The following PAFAH2 variants were observed in gnomAD, a reference collection of about 807,000 sequenced individuals.
PAFAH2 encodes platelet activating factor acetylhydrolase 2, also known as platelet-activating factor acetylhydrolase 2, cytoplasmic.
In PAFAH2, 42 loss-of-function variants were observed where a neutral mutation model predicts 49.0. The ratio of observed to expected loss-of-function variants is 0.86; its 90% CI spans 0.67 to 1.11. The LOEUF is 1.11. Ranked by LOEUF, PAFAH2 falls within the 50% of genes least tolerant of loss-of-function variation. PAFAH2 has a pLI of 0.00. For missense variants in PAFAH2, 503 were observed against 501.8 expected, an observed-to-expected ratio of 1.00 and a Z score of -0.02; for synonymous variants, 184 against 181.3, an observed-to-expected ratio of 1.01 and a Z score of -0.12.
At chr1:25,987,734 T>G (rs79985094) in intron 4 of PAFAH2, among the ~76,000 whole-genome samples, 58 of 146,812 alleles carry the variant, frequency 4.0e-4, no homozygotes, top group African/African-American at 1.4e-3. Context: ...AAAAAAAATT[T>G]AAAAATAGCC....
chr1:25,986,827 G>A (rs573417448), intron 4 of PAFAH2, among the ~76,000 whole-genome samples: 3 of 151,922 alleles, frequency 2.0e-5, no homozygotes, highest in Non-Finnish European at 4.4e-5. Context: ...CACCGCGCTC[G>A]GCCAAAAATT....
chr1:25,961,534 G>A lies in PAFAH2; in HGVS notation c.*455C>T, dbSNP rs1158111642. The A allele has an allele frequency of 6.5e-6, 1 of 153,616 alleles. No homozygotes were observed. Among genetic ancestry groups the A allele is most frequent in the Non-Finnish European group, 1.4e-5 (1 of 69,072 alleles). 9.5% of individuals were successfully genotyped at this position (153,616 alleles called of 1,614,324 possible). ...ACAAGTGGCCCTGGGGAGGGAGAAG[G>A]CTGAGAGGTAGGAAGAGATGGTGTT... is the stretch of plus-strand genomic sequence containing the variant. On this transcript the variant is annotated 3_prime_UTR_variant, in exon 11 of 11. Transcript: ENST00000374282.
intron 7 of PAFAH2, among the ~76,000 whole-genome samples, chr1:25,976,982 A>AGGAATTGT (rs2124338777): frequency 6.6e-6 from 1 of 150,662 alleles, no homozygotes; most frequent in East Asian, 2.0e-4. Context: ...TTGTGTAGGC[A>AGGAATTGT]GGAATTGTGA....
chr1:25,978,973 G>C (rs1404143812), intron 7 of PAFAH2, among the ~76,000 whole-genome samples: 1 of 152,238 alleles, frequency 6.6e-6, no homozygotes, highest in Non-Finnish European at 1.5e-5. Flanking sequence ...AACAACGCTG[G>C]AATGAATAAC....
rs2049327038 is a variant in PAFAH2 at position 25,960,761 on chromosome 1, G to A, written c.*1228C>T. The A allele has an allele frequency of 6.6e-6, 1 of 151,994 alleles. No homozygotes were observed. Among genetic ancestry groups the A allele is most frequent in the African/African-American group, 2.4e-5 (1 of 41,340 alleles). 9.4% of individuals were successfully genotyped at this position (151,994 alleles called of 1,614,324 possible). On this transcript the variant is annotated 3_prime_UTR_variant, in exon 11 of 11. Transcript: ENST00000374282. ...AAGGTACTCCTAGGCCTCTCTGGGA[G>A]TGGCCTTCTGCGTTTTTAAATTTTA... is the stretch of plus-strand genomic sequence containing the variant.
intron 10 of PAFAH2, among the ~76,000 whole-genome samples, chr1:25,963,334 G>T (rs1425862472): frequency 1.3e-5 from 2 of 152,104 alleles, no homozygotes; most frequent in African/African-American, 4.8e-5. Flanking sequence ...GGAAACTGCT[G>T]TCCTCACAGA....
At chr1:25,989,885 G>T (rs187074758) in intron 2 of PAFAH2, among the ~76,000 whole-genome samples, 1 of 152,330 alleles carries the variant, frequency 6.6e-6, no homozygotes, top group Non-Finnish European at 1.5e-5. Context: ...GACAATGAAA[G>T]ATTTAAATCT....
At chr1:25,990,404 T>C (rs2049854920) in intron 2 of PAFAH2, among the ~76,000 whole-genome samples, 1 of 152,196 alleles carries the variant, frequency 6.6e-6, no homozygotes, top group Admixed American at 6.5e-5. Flanking sequence ...ACTCAGATTA[T>C]GATACGATTA....
At chr1:25,982,256 G>A (rs1261708773) in intron 7 of PAFAH2, 108 bp downstream of exon 7, 23 of 788,530 alleles carry the variant, frequency 2.9e-5, no homozygotes, top group Non-Finnish European at 4.3e-5. Context: ...ATAGTTATAT[G>A]AGCCAATCAA....
intron 1 of PAFAH2, among the ~76,000 whole-genome samples, chr1:25,991,808 G>A (rs201891796): frequency 6.6e-6 from 1 of 152,042 alleles, no homozygotes; most frequent in African/African-American, 2.4e-5. Flanking sequence ...CAAGAGAATC[G>A]CTTGAACCTG....
chr1:25,964,899 C>G (rs2049397551), intron 10 of PAFAH2, among the ~76,000 whole-genome samples: 2 of 151,938 alleles, frequency 1.3e-5, no homozygotes, highest in Non-Finnish European at 2.9e-5. Flanking sequence ...CCATTTTTTA[C>G]AGAATTAGAA....
chr1:25,984,087 C>A lies in PAFAH2; in HGVS notation c.411G>T (p.Arg137Ser). 1 of 1,613,928 alleles carries A rather than the reference C, an allele frequency of 6.2e-7. No individual in the cohort carries two copies. Among genetic ancestry groups the A allele is most frequent in the South Asian group, 1.1e-5 (1 of 91,076 alleles). Residue 137 changes from arginine to serine, a missense_variant and splice_region_variant, in exon 6 of 11, where the codon AGG becomes AGT. By Grantham distance (110) the Arg-to-Ser change is moderately radical. Transcript: ENST00000374282. ...RGFVVAVPEH[R>S]DRSAATTYFC... ...AATAGGTGGTTGCCGCTGACCGGTC[C>A]CTGAAATACACACATCATCAGAGAG...
At chr1:25,994,636 T>C (rs2049915487) in intron 1 of PAFAH2, among the ~76,000 whole-genome samples, 1 of 152,170 alleles carries the variant, frequency 6.6e-6, no homozygotes, top group Non-Finnish European at 1.5e-5. Flanking sequence ...CACTAGGGTT[T>C]GGCCACTGAG....
At chr1:25,963,790 G>A (rs150131635) in intron 10 of PAFAH2, among the ~76,000 whole-genome samples, 1,767 of 152,270 alleles carry the variant, frequency 0.012, 23 homozygotes, top group Non-Finnish European at 0.016. Context: ...CGTGAGCCAC[G>A]GTGCCTGGCC....
chr1:25,990,291 G>A (rs908833917), intron 2 of PAFAH2, among the ~76,000 whole-genome samples: 1 of 152,044 alleles, frequency 6.6e-6, no homozygotes, highest in Admixed American at 6.6e-5. Flanking sequence ...AAAGCAGGAG[G>A]GGAAAACAGA....
chr1:25,965,564 C>T (rs988307438), intron 10 of PAFAH2, among the ~76,000 whole-genome samples: 2 of 152,134 alleles, frequency 1.3e-5, no homozygotes, highest in African/African-American at 4.8e-5. Context: ...GCCTGTAACG[C>T]CAGCACTTTG....
intron 7 of PAFAH2, among the ~76,000 whole-genome samples, 194 bp downstream of exon 7, chr1:25,982,170 T>C (rs1237780090): frequency 6.6e-6 from 1 of 151,178 alleles, no homozygotes; most frequent in East Asian, 1.9e-4. Context: ...GAGAGAAGAG[T>C]GCCAGGGCTT....
Position 25,974,568 on chromosome 1 carries a change from T to C in PAFAH2, c.841A>G (p.Asn281Asp). 6.2e-7 allele frequency: 1 copy of C among 1,614,100 alleles called. No individual in the cohort carries two copies. The highest frequency in any genetic ancestry group is 8.5e-7 in the Non-Finnish European group (1 of 1,179,986). The change falls in exon 9 of 11, where the codon AAT becomes GAT. Residue 281 changes from asparagine (N) to aspartate (D), a missense_variant. By Grantham distance (23) the Asn-to-Asp change is conservative (BLOSUM62 1). Coordinates refer to ENST00000374282, the MANE Select transcript of PAFAH2 (RefSeq NM_000437.4). The stretch of plus-strand genomic sequence containing the variant: ...TCCATTGTCTGGAATTTCTCAGTAT[T>C]GATAAAGAACACAGGTCCTCGGGCC... ...PKARGPVFFI[N>D]TEKFQTMESV...
At chr1:25,975,579 G>A (rs911272092) in intron 8 of PAFAH2, among the ~76,000 whole-genome samples, 1 of 151,770 alleles carries the variant, frequency 6.6e-6, no homozygotes, top group African/African-American at 2.4e-5. Context: ...TGTCTCAGAG[G>A]GAAAAAAATA....
Sources: allele counts gnomAD v4.1 joint callset (sites outside exome capture counted in the v4.1 genomes callset), GRCh38; gene constraint gnomAD v4.1.1; transcripts MANE v1.5; gene names NCBI Gene and HGNC (gene_info 2026-07-23, HGNC 2026-07-21).